UNC5D: variants seen among roughly 807,000 people sequenced by gnomAD.
The protein encoded by UNC5D is unc-5 netrin receptor D.
In UNC5D, 39 loss-of-function variants were observed where a neutral mutation model predicts 105.4. The observed-to-expected ratio is 0.37, with a 90% CI of 0.29 to 0.48. The LOEUF is 0.48. Among genes scored for constraint, UNC5D ranks in the 20% least tolerant of loss-of-function variants. UNC5D has a pLI of 0.98. For missense variants in UNC5D, 991 were observed against 1,202.4 expected, an observed-to-expected ratio of 0.82 and a Z score of 2.60; for synonymous variants, 452 against 450.4, an observed-to-expected ratio of 1.00 and a Z score of -0.04.
intron 1 of UNC5D, among the ~76,000 whole-genome samples, chr8:35,496,098 A>T (rs1291594546): frequency 2.0e-5 from 3 of 152,184 alleles, no homozygotes; most frequent in African/African-American, 7.2e-5. Flanking sequence ...GCTGACTTAG[A>T]CTGAGGGTTC....
chr8:35,489,081 A>G (rs1585961645), intron 1 of UNC5D, among the ~76,000 whole-genome samples: 1 of 150,600 alleles, frequency 6.6e-6, no homozygotes, highest in South Asian at 2.1e-4. Context: ...ATCTCTGCTC[A>G]CTGCAGCCTC....
intron 8 of UNC5D, among the ~76,000 whole-genome samples, chr8:35,715,361 C>G (rs1454336078): frequency 6.6e-6 from 1 of 151,956 alleles, no homozygotes; most frequent in Non-Finnish European, 1.5e-5. Context: ...ATAGTTACTA[C>G]TTTTGGAGAG....
At position 35,300,446 on chromosome 8, in the gene UNC5D, CAAAAAAAAAAAAAAAAAAAAAAAA is replaced by C. The variant is rs752599540; in HGVS notation, c.103+64584_103+64607del. 3.6e-4 allele frequency among the ~76,000 whole-genome samples: 21 copies of C among 58,396 alleles called. 3 individuals carry two copies. In the South Asian group the frequency reaches 8.1e-3, roughly 23 times the overall value. The allele number at this position is 58,396 out of a possible 152,430, so 38.3% of individuals were successfully genotyped here. On this transcript the variant is annotated intron_variant, in intron 1 of 16. Transcript: ENST00000404895. ...TGGGCAACAGAGAGAGACTCCCTCT[CAAAAAAAAAAAAAAAAAAAAAAAA>C]AAAAAAAAAAAAAAAAAAAAAAAAG...
chr8:35,285,036 C>T (rs931943766), intron 1 of UNC5D, among the ~76,000 whole-genome samples: 1 of 152,070 alleles, frequency 6.6e-6, no homozygotes, highest in East Asian at 1.9e-4. Context: ...GAGATAGATA[C>T]CAATACCTAA....
intron 1 of UNC5D, among the ~76,000 whole-genome samples, chr8:35,340,169 A>G (rs546463353): frequency 2.0e-5 from 3 of 152,070 alleles, no homozygotes; most frequent in Non-Finnish European, 1.5e-5. Context: ...TGGGAAGAGG[A>G]TTTTCTCATG....
chr8:35,662,386 G>T (rs989323746), intron 4 of UNC5D, among the ~76,000 whole-genome samples: 1 of 152,138 alleles, frequency 6.6e-6, no homozygotes, highest in Non-Finnish European at 1.5e-5. Flanking sequence ...CTGCATTACT[G>T]CCAAGGTTGA....
chr8:35,316,626 A>G (rs1809324969), intron 1 of UNC5D, among the ~76,000 whole-genome samples: 1 of 152,176 alleles, frequency 6.6e-6, no homozygotes, highest in African/African-American at 2.4e-5. Context: ...TTGTTATCTT[A>G]CTTGACTTAG....
intron 4 of UNC5D, among the ~76,000 whole-genome samples, chr8:35,655,661 C>T (rs1823681045): frequency 6.6e-6 from 1 of 152,142 alleles, no homozygotes; most frequent in African/African-American, 2.4e-5. Context: ...AGATTGAAGA[C>T]ACTAAGTCTT....
intron 6 of UNC5D, 119 bp downstream of exon 6, chr8:35,684,868 A>G: frequency 7.8e-7 from 1 of 1,285,984 alleles, no homozygotes; most frequent in Non-Finnish European, 1.0e-6. Context: ...TTAGAATAGA[A>G]CATTTATCCA....
chr8:35,598,945 C>A (rs1296434142), intron 4 of UNC5D, among the ~76,000 whole-genome samples: 1 of 151,904 alleles, frequency 6.6e-6, no homozygotes, highest in East Asian at 1.9e-4. Flanking sequence ...GAGTTTGAGA[C>A]CAGCCTGCCT....
chr8:35,393,321 G>C (rs1406557267), intron 1 of UNC5D, among the ~76,000 whole-genome samples: 1 of 151,128 alleles, frequency 6.6e-6, no homozygotes, highest in African/African-American at 2.4e-5. Context: ...TTTTAGTAGA[G>C]ACGGGGTTTC....
intron 1 of UNC5D, chr8:35,544,462 A>G (rs1815494570): frequency 6.2e-7 from 1 of 1,613,832 alleles, no homozygotes; most frequent in Non-Finnish European, 8.5e-7. Flanking sequence ...TCCTGGTGTT[A>G]GTTAAAGCTC....
At chr8:35,259,771 TAATGAAA>T (rs1804323483) in intron 1 of UNC5D, among the ~76,000 whole-genome samples, 1 of 151,370 alleles carries the variant, frequency 6.6e-6, no homozygotes, top group Non-Finnish European at 1.5e-5. Flanking sequence ...TTAAATGCTG[TAATGAAA>T]ACATGTAGAA....
intron 1 of UNC5D, among the ~76,000 whole-genome samples, chr8:35,271,463 A>G (rs1242571199): frequency 1.4e-5 from 2 of 139,776 alleles, no homozygotes; most frequent in Non-Finnish European, 3.2e-5. Flanking sequence ...ATATGTGTGT[A>G]GGTATACCTA....
intron 1 of UNC5D, among the ~76,000 whole-genome samples, chr8:35,500,634 C>T (rs113633482): frequency 2.6e-5 from 4 of 152,308 alleles, no homozygotes; most frequent in African/African-American, 7.2e-5. Context: ...CTACTCGTCA[C>T]ATTATAGTTT....
chr8:35,385,752 C>G (rs1264707596), intron 1 of UNC5D, among the ~76,000 whole-genome samples: 1 of 152,000 alleles, frequency 6.6e-6, no homozygotes, highest in Non-Finnish European at 1.5e-5. Context: ...GGCGTGAACC[C>G]CCACGCCCGG....
chr8:35,326,357 T>C (rs148396930), intron 1 of UNC5D, among the ~76,000 whole-genome samples: 16 of 152,078 alleles, frequency 1.1e-4, no homozygotes, highest in African/African-American at 3.9e-4. Context: ...AAGCACGTGG[T>C]TGGAAACCAA....
chr8:35,634,775 C>CT (rs545780478), intron 4 of UNC5D, among the ~76,000 whole-genome samples: 1,796 of 144,184 alleles, frequency 0.012, 49 homozygotes, highest in African/African-American at 0.044. Flanking sequence ...TTTTTCTTTC[C>CT]TTTTTTTTGA....
intron 1 of UNC5D, among the ~76,000 whole-genome samples, chr8:35,470,787 TA>T (rs2129817909): frequency 2.9e-5 from 1 of 34,618 alleles, no homozygotes; most frequent in Non-Finnish European, 8.6e-5. Context: ...AATAAATAAA[TA>T]AATAAATAAA....
Sources: gnomAD v4.1 joint callset for allele counts (sites outside exome capture counted in the v4.1 genomes callset) on GRCh38, gnomAD v4.1.1 for gene constraint, MANE v1.5 for transcripts, NCBI Gene and HGNC (gene_info 2026-07-23, HGNC 2026-07-21) for gene names.